Variants in RALGPS2 observed in about 807,000 individuals in gnomAD.
RALGPS2 encodes the protein ras-specific guanine nucleotide-releasing factor RalGPS2.
Under a neutral mutation model 86.8 loss-of-function variants are expected in RALGPS2, and 43 were observed. The observed-to-expected ratio is 0.50, with a 90% CI of 0.39 to 0.64. The LOEUF (loss-of-function observed/expected upper bound fraction) is 0.64, where lower values mean the gene tolerates loss of function less well. Ranked by LOEUF, RALGPS2 falls within the 30% of genes least tolerant of loss-of-function variation. The pLI is 0.00. For synonymous variants in RALGPS2, 243 were observed against 231.3 expected, an observed-to-expected ratio of 1.05 and a Z score of -0.46; for missense variants, 536 against 694.6, an observed-to-expected ratio of 0.77 and a Z score of 2.57.
At chr1:178,733,762 A>C (rs937461610) in intron 1 of RALGPS2, among the ~76,000 whole-genome samples, 1 of 152,250 alleles carries the variant, frequency 6.6e-6, no homozygotes, top group African/African-American at 2.4e-5. Flanking sequence ...GGACATGTAC[A>C]TTAGAAGAAA....
chr1:178,767,334 G>T (rs1652553231), intron 1 of RALGPS2, among the ~76,000 whole-genome samples: 1 of 136,164 alleles, frequency 7.3e-6, no homozygotes, highest in African/African-American at 2.7e-5. Context: ...TATTTCTTCA[G>T]TCTCTGAAGT....
At chr1:178,750,941 T>C (rs893921279) in intron 1 of RALGPS2, among the ~76,000 whole-genome samples, 2 of 152,194 alleles carry the variant, frequency 1.3e-5, no homozygotes, top group African/African-American at 4.8e-5. Context: ...TTTTTGGGTG[T>C]GTTCATGTAC....
rs528063710 is a variant in RALGPS2, at chr1:178,838,517, T to C, written c.607+4967T>C. ...AGGACATCCACACCAAAACCCCATC[T>C]ATATGTCACCATCATCAAAGACCAA... On this transcript the variant is annotated intron_variant, in intron 8 of 19. Transcript: ENST00000367635. 2.4e-4 allele frequency among the ~76,000 whole-genome samples: 36 copies of C among 152,136 alleles called. 1 individual carries two copies. Among genetic ancestry groups the C allele is most frequent in the Admixed American group, 2.2e-3 (33 of 15,280 alleles).
At chr1:178,789,115 C>T (rs988894203) in intron 4 of RALGPS2, among the ~76,000 whole-genome samples, 12 of 152,108 alleles carry the variant, frequency 7.9e-5, no homozygotes, top group African/African-American at 2.7e-4. Context: ...CTATGTTGGC[C>T]AGGCTTGTCT....
chr1:178,876,219 T>TA (rs978766276), intron 8 of RALGPS2, among the ~76,000 whole-genome samples: 14 of 151,926 alleles, frequency 9.2e-5, no homozygotes, highest in South Asian at 8.3e-4. Flanking sequence ...GATATAAATG[T>TA]AAAAAAAATA....
chr1:178,842,767 A>C (rs1231845036), intron 8 of RALGPS2, among the ~76,000 whole-genome samples: 1 of 150,018 alleles, frequency 6.7e-6, no homozygotes, highest in Non-Finnish European at 1.5e-5. Flanking sequence ...ACAAAGGGCT[A>C]ATATCCAGAA....
intron 19 of RALGPS2, among the ~76,000 whole-genome samples, chr1:178,915,089 A>G (rs1043393255): frequency 6.6e-6 from 1 of 152,202 alleles, no homozygotes; most frequent in African/African-American, 2.4e-5. Flanking sequence ...TTGTTTCTAT[A>G]CTTGCAAGAA....
rs561715486 is a variant in RALGPS2 at position 178,794,708 on chromosome 1, G to A, written c.213+9101G>A. Among the ~76,000 whole-genome samples the A allele has an allele frequency of 5.9e-5, 9 of 152,224 alleles. No homozygotes were observed. The South Asian group carries it at 1.5e-3, about 25-fold the overall frequency. On this transcript the variant is annotated intron_variant, in intron 4 of 19. Coordinates refer to ENST00000367635, the MANE Select transcript of RALGPS2 (RefSeq NM_152663.5). ...ATGACAAAAAGGTGGTTTGCAGTGC[G>A]GTTTTCTTTCCAGTAGCAATTCTCT... is the stretch of plus-strand genomic sequence containing the variant.
intron 6 of RALGPS2, among the ~76,000 whole-genome samples, chr1:178,814,496 T>C (rs1008803238): frequency 2.6e-5 from 4 of 152,198 alleles, no homozygotes; most frequent in Non-Finnish European, 4.4e-5. Flanking sequence ...AGGCCAGTGG[T>C]GTGATCCCAA....
At chr1:178,741,679 A>G (rs1050158876) in intron 1 of RALGPS2, among the ~76,000 whole-genome samples, 1 of 152,244 alleles carries the variant, frequency 6.6e-6, no homozygotes, top group African/African-American at 2.4e-5. Context: ...CTAAGAAGCC[A>G]ACAAAGGAGA....
intron 8 of RALGPS2, among the ~76,000 whole-genome samples, chr1:178,848,735 C>G (rs1239516784): frequency 6.6e-6 from 1 of 152,152 alleles, no homozygotes; most frequent in Non-Finnish European, 1.5e-5. Flanking sequence ...CCACTGCAAG[C>G]AATTCTTCTG....
rs139406074 is a variant in RALGPS2, at chr1:178,733,075, C to T, written c.-84+7656C>T. The stretch of plus-strand genomic sequence containing the variant: ...CCCATTATCAGAAATAATTCTGTAA[C>T]GTAGGGATTCTTTGTTCCTTGAAGG... On this transcript the variant is annotated intron_variant, in intron 1 of 19. Transcript: ENST00000367635. Among the ~76,000 whole-genome samples, 995 of 152,122 alleles carry T rather than the reference C, an allele frequency of 6.5e-3. 11 individuals carry two copies. The highest frequency in any genetic ancestry group is 0.022 in the African/African-American group (908 of 41,502).
At chr1:178,819,753 T>C (rs1240080414) in intron 6 of RALGPS2, among the ~76,000 whole-genome samples, 1 of 152,234 alleles carries the variant, frequency 6.6e-6, no homozygotes, top group Non-Finnish European at 1.5e-5. Context: ...GTGTCTAATT[T>C]ACCAGACTTC....
chr1:178,754,331 G>A (rs1241887037), intron 1 of RALGPS2, among the ~76,000 whole-genome samples: 1 of 151,976 alleles, frequency 6.6e-6, no homozygotes, highest in Non-Finnish European at 1.5e-5. Context: ...AAGCTGAGAA[G>A]TCCCAAGATA....
At chr1:178,779,433 CA>C (rs1183691239) in intron 2 of RALGPS2, among the ~76,000 whole-genome samples, 1 of 152,152 alleles carries the variant, frequency 6.6e-6, no homozygotes, top group African/African-American at 2.4e-5. Context: ...TTAATAGCCC[CA>C]ACTCCATTTT....
intron 1 of RALGPS2, among the ~76,000 whole-genome samples, chr1:178,729,317 A>C (rs954460498): frequency 6.6e-6 from 1 of 152,046 alleles, no homozygotes; most frequent in Non-Finnish European, 1.5e-5. Flanking sequence ...TAAAACGTAC[A>C]TTAGTTTATT....
Position 178,905,893 on chromosome 1 carries a change from A to G in RALGPS2, c.1631-883A>G, listed in dbSNP as rs1001407608. Reference sequence around the variant, plus strand: ...TAAAAGAGAGAAAGTTGCCTCCTAGACTTTCCCCAAGAGCCCTCAACAGAA... The same window carrying G: ...TAAAAGAGAGAAAGTTGCCTCCTAGGCTTTCCCCAAGAGCCCTCAACAGAA... On this transcript the variant is annotated intron_variant, in intron 18 of 19. Coordinates refer to ENST00000367635, the MANE Select transcript of RALGPS2 (RefSeq NM_152663.5). Among the ~76,000 whole-genome samples the G allele has an allele frequency of 4.7e-4, 72 of 152,318 alleles. 1 individual carries two copies. The Middle Eastern group carries it at 0.01, about 22-fold the overall frequency.
At chr1:178,830,383 C>G (rs1198935663) in intron 7 of RALGPS2, among the ~76,000 whole-genome samples, 2 of 152,014 alleles carry the variant, frequency 1.3e-5, no homozygotes, top group Non-Finnish European at 2.9e-5. Context: ...TTAGACATAT[C>G]TACCAATGAA....
At chr1:178,865,307 T>C in intron 8 of RALGPS2, 1 of 1,614,098 alleles carries the variant, frequency 6.2e-7, no homozygotes. Context: ...ATTGAGGATT[T>C]TGTTTTCCAG....
Sources: gnomAD v4.1 joint callset for allele counts (sites outside exome capture counted in the v4.1 genomes callset) on GRCh38, gnomAD v4.1.1 for gene constraint, MANE v1.5 for transcripts, NCBI Gene and HGNC (gene_info 2026-07-23, HGNC 2026-07-21) for gene names.